The following PDZRN4 variants were observed in gnomAD, a reference collection of about 807,000 sequenced individuals.
PDZRN4 encodes PDZ domain-containing RING finger protein 4.
Under a neutral mutation model 99.0 loss-of-function variants are expected in PDZRN4, and 70 were observed. The ratio of observed to expected loss-of-function variants is 0.71; its 90% CI spans 0.58 to 0.86. The LOEUF (loss-of-function observed/expected upper bound fraction) is 0.86. Ranked by LOEUF, PDZRN4 falls within the 40% of genes least tolerant of loss-of-function variation. The pLI, the probability that PDZRN4 is intolerant of heterozygous loss-of-function variation, is 0.00. For synonymous variants in PDZRN4, 551 were observed against 501.6 expected (o/e 1.10, Z -1.32); for missense variants, 1,474 against 1,331.2 (o/e 1.11, Z -1.67).
chr12:41,224,763 T>C (rs902453387), intron 3 of PDZRN4, among the ~76,000 whole-genome samples: 7 of 152,164 alleles, frequency 4.6e-5, no homozygotes, highest in African/African-American at 1.4e-4. Flanking sequence ...TTTTATTATA[T>C]AACAACAAGA....
intron 5 of PDZRN4, among the ~76,000 whole-genome samples, chr12:41,549,415 G>A (rs1203272236): frequency 6.6e-6 from 1 of 152,140 alleles, no homozygotes; most frequent in South Asian, 2.1e-4. Context: ...TTGTCTACAG[G>A]TAGCTGCTTA....
Position 41,548,815 on chromosome 12 carries a change from G to T in PDZRN4, c.1204-3841G>T, listed in dbSNP as rs181686636. Among the ~76,000 whole-genome samples the T allele has an allele frequency of 1.6e-3, 248 of 151,964 alleles. 4 individuals are homozygous for T. Among genetic ancestry groups the T allele is most frequent in the Non-Finnish European group, 5.6e-4 (38 of 67,960 alleles). ...CAAAAAAATATAAAAATTTCACACC[G>T]CTGGAGTACAACCAATGTATGTAAA... On this transcript the variant is annotated intron_variant, in intron 5 of 9. Coordinates refer to ENST00000402685, the MANE Select transcript of PDZRN4 (RefSeq NM_001164595.2).
chr12:41,526,063 C>T (rs1012062639), intron 5 of PDZRN4, among the ~76,000 whole-genome samples: 40 of 152,240 alleles, frequency 2.6e-4, no homozygotes, highest in Non-Finnish European at 1.5e-4. Context: ...TCAACAACAC[C>T]TGGTGTACTT....
At chr12:41,500,581 C>CT (rs893733088) in intron 3 of PDZRN4, among the ~76,000 whole-genome samples, 21 of 151,860 alleles carry the variant, frequency 1.4e-4, no homozygotes, top group South Asian at 4.2e-4. Flanking sequence ...CATTGATAAC[C>CT]TTTTTTTTAA....
At chr12:41,205,550 C>A (rs1264459506) in intron 3 of PDZRN4, among the ~76,000 whole-genome samples, 2 of 151,894 alleles carry the variant, frequency 1.3e-5, no homozygotes, top group Non-Finnish European at 2.9e-5. Context: ...GTCTCAAGGA[C>A]TTCTCACTGG....
At chr12:41,256,652 T>A (rs1951206600) in intron 3 of PDZRN4, among the ~76,000 whole-genome samples, 1 of 152,214 alleles carries the variant, frequency 6.6e-6, no homozygotes, top group African/African-American at 2.4e-5. Context: ...TTGCCATAGC[T>A]GACTGAACTA....
chr12:41,340,146 C>G (rs1951805718), intron 3 of PDZRN4, among the ~76,000 whole-genome samples: 1 of 151,998 alleles, frequency 6.6e-6, no homozygotes, highest in South Asian at 2.1e-4. Context: ...TGCAGTTCTG[C>G]TTACAATAGC....
At chr12:41,397,749 T>C (rs1952259901) in intron 3 of PDZRN4, among the ~76,000 whole-genome samples, 1 of 152,162 alleles carries the variant, frequency 6.6e-6, no homozygotes, top group South Asian at 2.1e-4. Context: ...TTTGCTGTTA[T>C]GTATTGGTAT....
At chr12:41,407,583 A>G (rs567999082) in intron 3 of PDZRN4, among the ~76,000 whole-genome samples, 1 of 152,220 alleles carries the variant, frequency 6.6e-6, no homozygotes, top group African/African-American at 2.4e-5. Context: ...ATTTGCGTCT[A>G]TTTGTTGTGA....
rs974524458 is a variant in PDZRN4, at chr12:41,504,087, A to T, written c.844-2369A>T. On this transcript the variant is annotated intron_variant, in intron 3 of 9. Transcript: ENST00000402685. ...AGTTAGAGACCATCCTGGCCAACAT[A>T]GTGAAACCCCGTCTCTACTAAAAAT... 4.6e-5 allele frequency among the ~76,000 whole-genome samples: 7 copies of T among 151,828 alleles called. No homozygotes were observed. In the East Asian group the frequency reaches 1.4e-3, roughly 30 times the overall value.
In PDZRN4 at chr12:41,265,607, A is replaced by G. The variant is rs191037756; in HGVS notation, c.843+71419A>G. ...AGGAGTGCTGCTTTCTTCGAAATCT[A>G]TGAGTCAGTCCTCAGTTGTTTCTTA... On this transcript the variant is annotated intron_variant, in intron 3 of 9. Transcript: ENST00000402685. Among the ~76,000 whole-genome samples, 6 of 152,318 alleles carry G rather than the reference A, an allele frequency of 3.9e-5. No homozygotes were observed. The East Asian group carries it at 1.2e-3, about 29-fold the overall frequency.
intron 3 of PDZRN4, among the ~76,000 whole-genome samples, chr12:41,401,670 T>C (rs776197124): frequency 1.3e-5 from 2 of 152,126 alleles, no homozygotes; most frequent in Non-Finnish European, 2.9e-5. Flanking sequence ...TATAATACGT[T>C]TCCTGTTGGT....
At chr12:41,330,631 T>G (rs1304001858) in intron 3 of PDZRN4, among the ~76,000 whole-genome samples, 1 of 152,020 alleles carries the variant, frequency 6.6e-6, no homozygotes, top group Non-Finnish European at 1.5e-5. Context: ...TCTATAAATT[T>G]TAGTTACTAT....
chr12:41,347,905 T>C (rs1951866248), intron 3 of PDZRN4, among the ~76,000 whole-genome samples: 1 of 152,122 alleles, frequency 6.6e-6, no homozygotes, highest in South Asian at 2.1e-4. Flanking sequence ...AAGTAACTAT[T>C]ATATAGTTAT....
chr12:41,270,025 T>C (rs1951303540), intron 3 of PDZRN4, among the ~76,000 whole-genome samples: 1 of 152,196 alleles, frequency 6.6e-6, no homozygotes, highest in Non-Finnish European at 1.5e-5. Context: ...GAATAAATTC[T>C]AATGGGTCAT....
At chr12:41,347,821 T>C (rs1318323922) in intron 3 of PDZRN4, among the ~76,000 whole-genome samples, 1 of 152,172 alleles carries the variant, frequency 6.6e-6, no homozygotes, top group Admixed American at 6.6e-5. Context: ...CTGTAAAGTG[T>C]ATCTCATGGC....
intron 3 of PDZRN4, among the ~76,000 whole-genome samples, chr12:41,309,438 C>A (rs1244193628): frequency 2.6e-5 from 4 of 152,020 alleles, no homozygotes; most frequent in Admixed American, 2.6e-4. Flanking sequence ...TTATAAGAAA[C>A]CCTTATAAAG....
intron 3 of PDZRN4, among the ~76,000 whole-genome samples, chr12:41,372,931 C>T (rs1952052866): frequency 6.6e-6 from 1 of 152,142 alleles, no homozygotes; most frequent in African/African-American, 2.4e-5. Context: ...CGTAGTTTGT[C>T]TTCTATTTTC....
chr12:41,352,442 T>G (rs2405912), intron 3 of PDZRN4, among the ~76,000 whole-genome samples: 138,925 of 152,184 alleles, frequency 0.91, 63,594 homozygotes, highest in Middle Eastern at 0.97. Flanking sequence ...CAGGATAAGA[T>G]ACCTTGAGTT....
Sources: gnomAD v4.1 joint callset for allele counts (sites outside exome capture counted in the v4.1 genomes callset) on GRCh38, gnomAD v4.1.1 for gene constraint, MANE v1.5 for transcripts, NCBI Gene and HGNC (gene_info 2026-07-23, HGNC 2026-07-21) for gene names.